Variants in SSH2 observed in about 807,000 individuals in gnomAD.
The protein encoded by SSH2 is protein phosphatase Slingshot homolog 2.
Under a neutral mutation model 135.2 loss-of-function variants are expected in SSH2, and 37 were observed. That is an observed-to-expected ratio of 0.27 (90% CI 0.21 to 0.36). The LOEUF is 0.36. Among genes scored for constraint, SSH2 ranks in the 10% least tolerant of loss-of-function variants. The pLI, the probability that SSH2 is intolerant of heterozygous loss-of-function variation, is 1.00. For missense variants in SSH2, 1,408 were observed against 1,765.3 expected, an observed-to-expected ratio of 0.80 and a Z score of 3.63; for synonymous variants, 628 against 646.2, an observed-to-expected ratio of 0.97 and a Z score of 0.43.
At chr17:29,638,008 G>A (rs2035983569) in intron 14 of SSH2, among the ~76,000 whole-genome samples, 1 of 151,774 alleles carries the variant, frequency 6.6e-6, no homozygotes, top group Non-Finnish European at 1.5e-5. Flanking sequence ...CAGCTACTCG[G>A]GAGGCTGAGA....
chr17:29,671,879 T>G, intron 9 of SSH2, 56 bp downstream of exon 9: 1 of 1,437,018 alleles, frequency 7.0e-7, no homozygotes. Flanking sequence ...ATGCTTCTTA[T>G]GACTCCTCAG....
intron 2 of SSH2, among the ~76,000 whole-genome samples, chr17:29,811,557 A>G (rs1471710332): frequency 7.3e-6 from 1 of 137,546 alleles, no homozygotes; most frequent in Non-Finnish European, 1.5e-5. Flanking sequence ...TTATAAATGA[A>G]ATGTGAACCA....
chr17:29,700,152 C>T (rs1319375551), intron 4 of SSH2, among the ~76,000 whole-genome samples: 1 of 152,178 alleles, frequency 6.6e-6, no homozygotes, highest in Non-Finnish European at 1.5e-5. Flanking sequence ...CTGACCTAAA[C>T]ACTTAAGGTT....
At position 29,627,859 on chromosome 17, in the gene SSH2, A is replaced by G. The variant is rs1432561988; in HGVS notation, c.*2982T>C. 1.3e-5 allele frequency: 2 copies of G among 152,248 alleles called. No homozygotes were observed. The highest frequency in any genetic ancestry group is 2.1e-4 in the South Asian group (1 of 4,832). 9.4% of individuals were successfully genotyped at this position (152,248 alleles called of 1,614,324 possible). On this transcript the variant is annotated 3_prime_UTR_variant, in exon 16 of 16. Transcript: ENST00000540801. ...ACACCAAAACATCAACTGTTTTTAT[A>G]TATGTACATATGTGTACACATGCAC... is the stretch of plus-strand genomic sequence containing the variant.
chr17:29,826,014 T>G (rs1315208037), intron 2 of SSH2, among the ~76,000 whole-genome samples: 1 of 152,208 alleles, frequency 6.6e-6, no homozygotes, highest in Non-Finnish European at 1.5e-5. Context: ...GACATTCATG[T>G]TTTTAGATGT....
At chr17:29,792,195 G>A (rs1487056492) in intron 3 of SSH2, among the ~76,000 whole-genome samples, 1 of 151,912 alleles carries the variant, frequency 6.6e-6, no homozygotes, top group Admixed American at 6.6e-5. Context: ...GAGCCACCGC[G>A]CCTGGCCTTT....
chr17:29,737,091 T>A (rs2040395925), intron 3 of SSH2, among the ~76,000 whole-genome samples: 1 of 87,546 alleles, frequency 1.1e-5, no homozygotes, highest in Non-Finnish European at 2.0e-5. Flanking sequence ...AGAGCAAGAC[T>A]CTGTCTCAAA....
intron 1 of SSH2, among the ~76,000 whole-genome samples, chr17:29,920,491 T>C (rs2066956960): frequency 6.6e-6 from 1 of 152,228 alleles, no homozygotes; most frequent in Non-Finnish European, 1.5e-5. Flanking sequence ...AGACTTGCAA[T>C]GGAACTTCTA....
At chr17:29,806,225 T>C (rs545761111) in intron 2 of SSH2, among the ~76,000 whole-genome samples, 44 of 152,332 alleles carry the variant, frequency 2.9e-4, no homozygotes, top group African/African-American at 9.9e-4. Flanking sequence ...TTCATGATTA[T>C]TGTCTCATTT....
chr17:29,841,486 G>A (rs1305996995), intron 2 of SSH2, among the ~76,000 whole-genome samples: 2 of 152,068 alleles, frequency 1.3e-5, no homozygotes, highest in African/African-American at 2.4e-5. Context: ...TCTCATTTCA[G>A]TATCTTGCTT....
At chr17:29,725,049 A>G (rs2039952906) in intron 3 of SSH2, among the ~76,000 whole-genome samples, 1 of 151,922 alleles carries the variant, frequency 6.6e-6, no homozygotes. Context: ...ATGAACTTTT[A>G]TAAAAGCCAG....
rs775479384 is a variant in SSH2, at chr17:29,635,971, T to C, written c.2259A>G (p.Ser753=). The change falls in exon 15 of 16, where the codon TCA becomes TCG. Residue 753 remains serine (S), a synonymous_variant. Transcript: ENST00000540801. ...AAACTATAAAGACAGTTTTTACCTTTGACTGTTCCTCATCCATTGAAGATT... is the reference window on the plus strand; with the variant it reads ...AAACTATAAAGACAGTTTTTACCTTCGACTGTTCCTCATCCATTGAAGATT... ...SEESSMDEEQ[S]KAISELVSPD... 9.3e-6 allele frequency: 15 copies of C among 1,605,284 alleles called. No individual in the cohort carries two copies. Among genetic ancestry groups the C allele is most frequent in the Non-Finnish European group, 1.3e-5 (15 of 1,173,446 alleles).
intron 3 of SSH2, among the ~76,000 whole-genome samples, chr17:29,719,487 CCTAA>C (rs1398559874): frequency 6.7e-6 from 1 of 150,238 alleles, no homozygotes; most frequent in African/African-American, 2.5e-5. Flanking sequence ...AGCCTAACAG[CCTAA>C]CTGACAGAGC....
At chr17:29,677,930 TAGTC>T (rs148858381) in intron 6 of SSH2, among the ~76,000 whole-genome samples, 189 bp from the exon 7 acceptor site, 3,851 of 152,296 alleles carry the variant, frequency 0.025, 159 homozygotes, top group African/African-American at 0.086. Context: ...TTTAAAGAGA[TAGTC>T]AGTCAGTTCC....
At chr17:29,743,888 ATTTCTTT>A (rs1251699297) in intron 3 of SSH2, among the ~76,000 whole-genome samples, 18 of 127,430 alleles carry the variant, frequency 1.4e-4, no homozygotes, top group Non-Finnish European at 2.4e-4. Flanking sequence ...TTAGGGCATA[ATTTCTTT>A]TTTCTTTTTT....
At chr17:29,716,652 A>G (rs772970281) in intron 3 of SSH2, 87 of 653,384 alleles carry the variant, frequency 1.3e-4, no homozygotes, top group Non-Finnish European at 1.9e-4. Flanking sequence ...GAGAACATAT[A>G]TCGGGTGCCT....
At chr17:29,651,631 TTC>T (rs765806637) in intron 12 of SSH2, among the ~76,000 whole-genome samples, 1 of 152,206 alleles carries the variant, frequency 6.6e-6, no homozygotes, top group Non-Finnish European at 1.5e-5. Flanking sequence ...ACTCACTCAT[TTC>T]TCTCTGAGAC....
rs901651056 is a variant in SSH2 at position 29,689,296 on chromosome 17, T to C, written c.358-4612A>G. ...TCGTATTCCTCTGTTGGAGATAAGA[T>C]TAAGCAAAATCTAATAATTTATTAA... On this transcript the variant is annotated intron_variant, in intron 5 of 15. Transcript: ENST00000540801. Among the ~76,000 whole-genome samples the C allele has an allele frequency of 3.9e-5, 6 of 152,326 alleles. No individual in the cohort carries two copies. The East Asian group carries it at 9.6e-4, about 24-fold the overall frequency.
intron 3 of SSH2, among the ~76,000 whole-genome samples, chr17:29,741,934 C>CTTTTTTTTTT (rs71138848): frequency 3.5e-4 from 34 of 97,940 alleles, no homozygotes; most frequent in Non-Finnish European, 4.4e-4. Context: ...ATTTTTTTTT[C>CTTTTTTTTTT]TTTTTTTTTT....
Sources: gnomAD v4.1 joint callset for allele counts (sites outside exome capture counted in the v4.1 genomes callset) on GRCh38, gnomAD v4.1.1 for gene constraint, MANE v1.5 for transcripts, NCBI Gene and HGNC (gene_info 2026-07-23, HGNC 2026-07-21) for gene names.